COBLL1: variants seen among roughly 807,000 people sequenced by gnomAD.
The protein encoded by COBLL1 is cordon-bleu protein-like 1.
A neutral mutation model predicts 94.8 loss-of-function variants in COBLL1; 50 were observed. The observed-to-expected ratio is 0.53, with a 90% CI of 0.42 to 0.67. The LOEUF (loss-of-function observed/expected upper bound fraction) is 0.67. Among genes scored for constraint, COBLL1 ranks in the 30% least tolerant of loss-of-function variants. The pLI is 0.00. For synonymous variants in COBLL1, 448 were observed against 473.8 expected, an observed-to-expected ratio of 0.95 and a Z score of 0.71; for missense variants, 1,362 against 1,348.7, an observed-to-expected ratio of 1.01 and a Z score of -0.15.
At chr2:164,775,423 G>A (rs749234017) in intron 2 of COBLL1, among the ~76,000 whole-genome samples, 24 of 152,058 alleles carry the variant, frequency 1.6e-4, no homozygotes, top group Admixed American at 3.3e-4. Context: ...AATACATTCT[G>A]TTTTGTCTCT....
At chr2:164,669,030 G>A (rs1402556174) in intron 1 of COBLL1, among the ~76,000 whole-genome samples, 7 of 152,194 alleles carry the variant, frequency 4.6e-5, no homozygotes, top group East Asian at 3.8e-4. Flanking sequence ...AATTTATCCT[G>A]TCCTTAGCAA....
chr2:164,736,303 G>T (rs568435806), intron 3 of COBLL1, among the ~76,000 whole-genome samples: 6 of 152,236 alleles, frequency 3.9e-5, no homozygotes, highest in African/African-American at 1.2e-4. Flanking sequence ...GAATGAAGCA[G>T]TGCTCTCTCT....
At chr2:164,773,769 G>A (rs1177712603) in intron 2 of COBLL1, 6 of 1,294,876 alleles carry the variant, frequency 4.6e-6, no homozygotes, top group African/African-American at 1.5e-5. Context: ...TTTAGAGAAT[G>A]CTGAACCAAC....
At chr2:164,831,808 A>AT (rs552752311) in intron 2 of COBLL1, among the ~76,000 whole-genome samples, 18 of 152,214 alleles carry the variant, frequency 1.2e-4, no homozygotes, top group African/African-American at 3.6e-4. Flanking sequence ...ACTATCAGGC[A>AT]TAAAAAAAAG....
chr2:164,794,145 AG>A (rs1000265826), intron 2 of COBLL1, among the ~76,000 whole-genome samples: 1 of 152,176 alleles, frequency 6.6e-6, no homozygotes, highest in Non-Finnish European at 1.5e-5. Context: ...TACCCATTTA[AG>A]GTGCCAATTC....
intron 2 of COBLL1, among the ~76,000 whole-genome samples, chr2:164,781,293 C>T (rs1688713506): frequency 6.6e-6 from 1 of 152,102 alleles, no homozygotes; most frequent in Non-Finnish European, 1.5e-5. Context: ...ACAATAATGG[C>T]CCATGCCTGT....
chr2:164,712,477 C>A (rs529790996), intron 7 of COBLL1, among the ~76,000 whole-genome samples: 89 of 152,164 alleles, frequency 5.8e-4, no homozygotes, highest in Admixed American at 4.6e-3. Flanking sequence ...CCAACCTGGA[C>A]ATTCACAATA....
At chr2:164,783,608 C>T (rs990929967) in intron 2 of COBLL1, among the ~76,000 whole-genome samples, 1 of 151,990 alleles carries the variant, frequency 6.6e-6, no homozygotes, top group Non-Finnish European at 1.5e-5. Context: ...CAATTACAGC[C>T]AAGATTTAGC....
intron 2 of COBLL1, among the ~76,000 whole-genome samples, chr2:164,813,029 T>A (rs1041517854): frequency 9.8e-5 from 13 of 133,084 alleles, no homozygotes; most frequent in Non-Finnish European, 1.5e-4. Context: ...AAGATTAAAT[T>A]TCCAAATTTT....
intron 13 of COBLL1, among the ~76,000 whole-genome samples, chr2:164,690,796 C>T (rs1232226557): frequency 6.6e-6 from 1 of 151,954 alleles, no homozygotes; most frequent in African/African-American, 2.4e-5. Context: ...TACTTATGTG[C>T]TTTAAAAGTG....
At chr2:164,741,175 C>A (rs1177820604) in intron 3 of COBLL1, among the ~76,000 whole-genome samples, 1 of 152,024 alleles carries the variant, frequency 6.6e-6, no homozygotes, top group African/African-American at 2.4e-5. Context: ...ACTTGGGACA[C>A]TGGGGCAGGA....
chr2:164,689,203 G>A (rs1471828616), intron 13 of COBLL1, among the ~76,000 whole-genome samples: 1 of 151,824 alleles, frequency 6.6e-6, no homozygotes, highest in Non-Finnish European at 1.5e-5. Context: ...ATTTACACTA[G>A]AGCAATCAAC....
chr2:164,669,466 C>T (rs977917339), intron 1 of COBLL1, among the ~76,000 whole-genome samples: 2 of 152,160 alleles, frequency 1.3e-5, no homozygotes, highest in African/African-American at 2.4e-5. Context: ...GTATACTCAG[C>T]CTTGTTTTAT....
Position 164,699,443 on chromosome 2 carries a change from A to T in COBLL1, c.1517T>A (p.Ile506Lys). 2 of 1,612,584 alleles carry T rather than the reference A, an allele frequency of 1.2e-6. No individual in the cohort carries two copies. The highest frequency in any genetic ancestry group is 1.7e-6 in the Non-Finnish European group (2 of 1,178,712). The change falls in exon 11 of 14, where the codon ATA (isoleucine) becomes AAA (lysine). Residue 506 changes from isoleucine to lysine, a missense_variant. Physicochemically the swap from Ile to Lys is moderately radical, Grantham distance 102. Coordinates refer to ENST00000652658, the MANE Select transcript of COBLL1 (RefSeq NM_001365672.2). ...TSNGKKVVDSIRNLKSLGPNQ... is the reference protein window; with the variant it reads ...TSNGKKVVDSKRNLKSLGPNQ... ...TGGGCCCAACGACTTCAAGTTTCTT[A>T]TACTGTCAACTACCTTCTTTCCATT...
At chr2:164,819,267 T>C (rs1685040706) in intron 2 of COBLL1, among the ~76,000 whole-genome samples, 1 of 152,054 alleles carries the variant, frequency 6.6e-6, no homozygotes, top group African/African-American at 2.4e-5. Flanking sequence ...ATTTAGAACA[T>C]AGGTCGTAAA....
chr2:164,841,290 T>C lies in COBLL1; in HGVS notation c.-50-44A>G. On this transcript the variant is annotated intron_variant, in intron 1 of 13. Transcript: ENST00000652658. The surrounding 1 kb of genome is among the most constrained non-coding windows in gnomAD (Gnocchi z 5.5). Reference sequence around the variant, plus strand: ...GCGGGTCAGGGCGGGACGCGCGCCTTCCCGAGGCCGGAGCGAAGCTGGCTG... The same window carrying C: ...GCGGGTCAGGGCGGGACGCGCGCCTCCCCGAGGCCGGAGCGAAGCTGGCTG... The C allele has an allele frequency of 1.6e-6, 2 of 1,217,078 alleles. No homozygotes were observed. The highest frequency in any genetic ancestry group is 1.0e-6 in the Non-Finnish European group (1 of 978,630). The allele number at this position is 1,217,078 out of a possible 1,614,324, so 75.4% of individuals were successfully genotyped here.
chr2:164,830,302 T>C (rs904782938), intron 2 of COBLL1, among the ~76,000 whole-genome samples: 3 of 151,972 alleles, frequency 2.0e-5, no homozygotes, highest in Non-Finnish European at 4.4e-5. Context: ...ATGGAAACTG[T>C]GAATGTCCCA....
intron 7 of COBLL1, among the ~76,000 whole-genome samples, chr2:164,709,466 C>T (rs1441747089): frequency 6.6e-6 from 1 of 152,138 alleles, no homozygotes; most frequent in African/African-American, 2.4e-5. Context: ...GCCTGTAATC[C>T]CAGCACTTTG....
intron 2 of COBLL1, among the ~76,000 whole-genome samples, chr2:164,812,197 G>A (rs1297074950): frequency 6.6e-6 from 1 of 151,884 alleles, no homozygotes; most frequent in East Asian, 1.9e-4. Flanking sequence ...TATTATGTAC[G>A]AAACTAGGTC....
Sources: allele counts gnomAD v4.1 joint callset (sites outside exome capture counted in the v4.1 genomes callset), GRCh38; gene constraint gnomAD v4.1.1; non-coding constraint Gnocchi (gnomAD v3.1); transcripts MANE v1.5; gene names NCBI Gene and HGNC (gene_info 2026-07-23, HGNC 2026-07-21).